The following ANK2 variants were observed in gnomAD, a reference collection of about 807,000 sequenced individuals.
ANK2 encodes ankyrin-2.
In ANK2, 83 loss-of-function variants were observed where a neutral mutation model predicts 360.5. The observed-to-expected ratio is 0.23, with a 90% CI of 0.19 to 0.28. ANK2 has a LOEUF of 0.28. Among genes scored for constraint, ANK2 ranks in the 10% least tolerant of loss-of-function variants. The probability of loss-of-function intolerance (pLI) is 1.00; values close to 1 mark genes in which losing one functional copy is unlikely to be tolerated. For synonymous variants in ANK2, 1,740 were observed against 1,759.5 expected, an observed-to-expected ratio of 0.99 and a Z score of 0.28; for missense variants, 4,201 against 4,795.7, an observed-to-expected ratio of 0.88 and a Z score of 3.66.
chr4:112,951,863 T>C (rs1312199034), intron 2 of ANK2, among the ~76,000 whole-genome samples: 1 of 152,242 alleles, frequency 6.6e-6, no homozygotes, highest in East Asian at 1.9e-4. Context: ...ACAAATTGCT[T>C]TCATTGCTTT....
chr4:112,845,598 A>C (rs1044310336), intron 1 of ANK2, among the ~76,000 whole-genome samples: 7 of 152,116 alleles, frequency 4.6e-5, no homozygotes, highest in African/African-American at 1.2e-4. Flanking sequence ...GGGGAAGTTG[A>C]ATGGAAGTGT....
chr4:112,831,377 C>T (rs2059695519), intron 1 of ANK2, among the ~76,000 whole-genome samples: 2 of 151,990 alleles, frequency 1.3e-5, no homozygotes, highest in South Asian at 4.2e-4. Context: ...CCAATCAGTG[C>T]TCTGTGTCTA....
intron 22 of ANK2, among the ~76,000 whole-genome samples, chr4:113,300,840 G>C (rs765382552): frequency 2.0e-5 from 3 of 152,154 alleles, no homozygotes; most frequent in Admixed American, 6.5e-5. Context: ...GGGCTCTTCT[G>C]AGCCAGTTTA....
In ANK2 at chr4:113,005,670, ATAG is replaced by A. The variant is rs546926825; in HGVS notation, c.21+101160_21+101162del. Among the ~76,000 whole-genome samples, 5 of 152,290 alleles carry A rather than the reference ATAG, an allele frequency of 3.3e-5. No homozygotes were observed. In the South Asian group the frequency reaches 1.0e-3, roughly 32 times the overall value. ...TAGAAGAAATACATTTTAACGTTTG[ATAG>A]TAGACTAGGGTAATATGATTTGAAT... On this transcript the variant is annotated intron_variant, in intron 2 of 30. Coordinates refer to the ANK2 transcript ENST00000503271.
chr4:113,185,691 T>A (rs2098507787), intron 2 of ANK2, among the ~76,000 whole-genome samples: 1 of 152,246 alleles, frequency 6.6e-6, no homozygotes, highest in South Asian at 2.1e-4. Context: ...TTTCTTTCAC[T>A]GTGCAGAAGC....
Position 113,373,163 on chromosome 4 carries a change from T to C in ANK2, c.11684T>C (p.Val3895Ala). ...EEYIDEHGHTVVKKVTRKIIR... is the reference protein window; with the variant it reads ...EEYIDEHGHTAVKKVTRKIIR... ...TACATTGATGAGCATGGACACACCGTGGTAAAGAAGGTATTGTCTAGTATA... is the reference window on the plus strand; with the variant it reads ...TACATTGATGAGCATGGACACACCGCGGTAAAGAAGGTATTGTCTAGTATA... Residue 3895 changes from valine (V) to alanine (A), a missense_variant, in exon 44 of 46, where the codon GTG becomes GCG. This residue lies in a region of ANK2 where 2,642 missense variants were observed against 2,714.5 expected (regional missense o/e 0.97). Coordinates refer to ENST00000357077, the MANE Select transcript of ANK2 (RefSeq NM_001148.6). 1 of 1,614,054 alleles carries C rather than the reference T, an allele frequency of 6.2e-7. No individual in the cohort carries two copies.
In ANK2 at chr4:112,983,354, T is replaced by C. The variant is rs58463369; in HGVS notation, c.21+78840T>C. ...ATTAAATCTCTGTTTATCTGAAGTG[T>C]ATAGACTTCTAACATTATTGGGTTA... On this transcript the variant is annotated intron_variant, in intron 2 of 30. Transcript: ENST00000503271. 8.9e-3 allele frequency among the ~76,000 whole-genome samples: 1,340 copies of C among 150,792 alleles called. 22 individuals are homozygous for C. Among genetic ancestry groups the C allele is most frequent in the African/African-American group, 0.031 (1,282 of 40,984 alleles).
intron 1 of ANK2, among the ~76,000 whole-genome samples, chr4:113,097,739 T>C (rs191515425): frequency 4.0e-4 from 61 of 151,830 alleles, no homozygotes; most frequent in African/African-American, 1.3e-3. Flanking sequence ...GCACTATTAA[T>C]TATTTTAGCT....
At chr4:113,187,104 C>G (rs2098545128) in intron 2 of ANK2, among the ~76,000 whole-genome samples, 1 of 151,932 alleles carries the variant, frequency 6.6e-6, no homozygotes, top group African/African-American at 2.4e-5. Flanking sequence ...AAAGAAAGCT[C>G]TTTATGCAGG....
intron 40 of ANK2, among the ~76,000 whole-genome samples, chr4:113,363,728 C>A (rs1178122763): frequency 2.0e-5 from 3 of 152,100 alleles, no homozygotes; most frequent in Non-Finnish European, 2.9e-5. Context: ...CCCCAGTATT[C>A]CAGTTTCCTC....
chr4:113,116,140 T>C (rs2094746454), intron 1 of ANK2, among the ~76,000 whole-genome samples: 2 of 152,178 alleles, frequency 1.3e-5, no homozygotes, highest in South Asian at 4.1e-4. Flanking sequence ...AGCCTCCCTA[T>C]TGGGTGTATA....
At chr4:113,370,591 C>T (rs1282695685) in intron 43 of ANK2, among the ~76,000 whole-genome samples, 1 of 152,030 alleles carries the variant, frequency 6.6e-6, no homozygotes, top group Non-Finnish European at 1.5e-5. Flanking sequence ...AACCTCGTCT[C>T]TACTACAAAT....
At chr4:113,289,863 T>G (rs1208698165) in intron 20 of ANK2, among the ~76,000 whole-genome samples, 1 of 152,200 alleles carries the variant, frequency 6.6e-6, no homozygotes, top group Non-Finnish European at 1.5e-5. Flanking sequence ...TAATATGAAT[T>G]CTCAGGCATT....
rs1357339849 is a variant in ANK2 at position 113,115,732 on chromosome 4, C to T, written c.85-58684C>T. ...ATGTAGTGCAAGAAATGAGACTTTACGTTCTTCATTTATGGAAGCAGATAT... is the reference window on the plus strand; with the variant it reads ...ATGTAGTGCAAGAAATGAGACTTTATGTTCTTCATTTATGGAAGCAGATAT... On this transcript the variant is annotated intron_variant, in intron 1 of 45. Transcript: ENST00000357077. 2.6e-5 allele frequency among the ~76,000 whole-genome samples: 4 copies of T among 152,082 alleles called. No individual in the cohort carries two copies. In the South Asian group the frequency reaches 8.3e-4, roughly 31 times the overall value.
intron 2 of ANK2, among the ~76,000 whole-genome samples, chr4:112,966,243 T>G (rs1201414264): frequency 6.6e-6 from 1 of 151,686 alleles, no homozygotes; most frequent in Admixed American, 6.6e-5. Context: ...TGATATCTTC[T>G]AACACTCGTA....
rs1339650253 is a variant in ANK2, at chr4:113,152,088, A to G, written c.85-22328A>G. Among the ~76,000 whole-genome samples the G allele has an allele frequency of 1.8e-3, 139 of 78,718 alleles. 1 individual carries two copies. The highest frequency in any genetic ancestry group is 8.3e-3 in the African/African-American group (124 of 14,952). The allele number at this position is 78,718 out of a possible 152,430, so 51.6% of individuals were successfully genotyped here. A position where few individuals can be genotyped will look rare whatever the true frequency, so the allele number is the denominator to read the frequency against. On this transcript the variant is annotated intron_variant, in intron 1 of 45. Transcript: ENST00000357077. ...CTCAAAAAAAAAAAAAGAAAAAAAA[A>G]AAAAAAGAAAAAAGAAGGAAAGAAA... is the stretch of plus-strand genomic sequence containing the variant.
intron 2 of ANK2, among the ~76,000 whole-genome samples, chr4:113,178,399 G>A (rs1368255162): frequency 1.3e-5 from 2 of 151,880 alleles, no homozygotes; most frequent in Non-Finnish European, 2.9e-5. Context: ...GTGAAACCCC[G>A]TCTCTACTAA....
At chr4:112,915,901 A>G (rs911103929) in intron 2 of ANK2, among the ~76,000 whole-genome samples, 7 of 152,090 alleles carry the variant, frequency 4.6e-5, no homozygotes, top group African/African-American at 1.7e-4. Context: ...TTATATAAGT[A>G]TATACTCACT....
intron 1 of ANK2, among the ~76,000 whole-genome samples, chr4:113,166,436 T>C (rs796638022): frequency 1.2e-4 from 18 of 152,150 alleles, no homozygotes; most frequent in African/African-American, 4.3e-4. Context: ...TAAGTGTGTA[T>C]GTATATATGT....
Sources: allele counts gnomAD v4.1 joint callset (sites outside exome capture counted in the v4.1 genomes callset), GRCh38; gene constraint gnomAD v4.1.1; regional missense constraint gnomAD v4.1.1; transcripts MANE v1.5; gene names NCBI Gene and HGNC (gene_info 2026-07-23, HGNC 2026-07-21).